The following GLI3 variants were observed in gnomAD, a reference collection of about 807,000 sequenced individuals.
GLI3 encodes transcription activator GLI3.
GLI3 carries 20 observed loss-of-function variants against 100.8 expected under a neutral mutation model. That is an observed-to-expected ratio of 0.20 (90% CI 0.14 to 0.29). The LOEUF is 0.29. Among genes scored for constraint, GLI3 ranks in the 10% least tolerant of loss-of-function variants. The pLI, the probability that GLI3 is intolerant of heterozygous loss-of-function variation, is 1.00. For synonymous variants in GLI3, 938 were observed against 860.5 expected (o/e 1.09, Z -1.58); for missense variants, 2,040 against 2,128.5 (o/e 0.96, Z 0.82).
In GLI3 at chr7:42,113,864, T is replaced by C. The variant is rs553380871; in HGVS notation, c.367+34362A>G. Among the ~76,000 whole-genome samples the C allele has an allele frequency of 1.3e-3, 197 of 152,336 alleles. 1 individual carries two copies. The highest frequency in any genetic ancestry group is 2.2e-3 in the Non-Finnish European group (149 of 68,022). On this transcript the variant is annotated intron_variant, in intron 3 of 14. Transcript: ENST00000395925. The stretch of plus-strand genomic sequence containing the variant: ...TCCCTTCTAGTTCTGAGAGACTTCC[T>C]CTTGGCTCCCAGGAGGAGGGGGGAC...
At chr7:42,242,075 T>C (rs1788930992), upstream of GLI3, among the ~76,000 whole-genome samples, 1 of 152,230 alleles carries the variant, frequency 6.6e-6, no homozygotes, top group African/African-American at 2.4e-5. Flanking sequence ...TGGTTTCACC[T>C]GTCTCTTCTA....
At chr7:42,160,843 T>A (rs530820510) in intron 2 of GLI3, among the ~76,000 whole-genome samples, 11 of 152,128 alleles carry the variant, frequency 7.2e-5, no homozygotes, top group Non-Finnish European at 1.6e-4. Context: ...GATAGACAGC[T>A]TAGGAGGGAA....
chr7:42,256,100 A>G (rs1789082071), intron 1 of GLI3, among the ~76,000 whole-genome samples: 1 of 152,108 alleles, frequency 6.6e-6, no homozygotes, highest in African/African-American at 2.4e-5. Context: ...CCATTTTCAT[A>G]TCTTCTTAGT....
chr7:42,034,679 T>C (rs1448660401), intron 7 of GLI3, among the ~76,000 whole-genome samples: 3 of 152,122 alleles, frequency 2.0e-5, no homozygotes, highest in African/African-American at 7.2e-5. Flanking sequence ...CAGGGTATCT[T>C]GTCATCATCC....
chr7:41,983,426 A>C (rs1271137835), intron 10 of GLI3, among the ~76,000 whole-genome samples: 1 of 152,216 alleles, frequency 6.6e-6, no homozygotes, highest in Non-Finnish European at 1.5e-5. Context: ...AATCCAAGGT[A>C]GATAAGAAAA....
intron 2 of GLI3, among the ~76,000 whole-genome samples, chr7:42,185,517 T>G (rs993209137): frequency 6.6e-6 from 1 of 152,234 alleles, no homozygotes; most frequent in African/African-American, 2.4e-5. Flanking sequence ...GAGCCATTTC[T>G]TGGGCAATTC....
At chr7:42,145,244 A>G (rs535840911) in intron 3 of GLI3, 1 of 230,732 alleles carries the variant, frequency 4.3e-6, no homozygotes, top group African/African-American at 2.2e-5. Context: ...GAAAAAGTAA[A>G]GTCATATCCC....
intron 12 of GLI3, among the ~76,000 whole-genome samples, chr7:41,974,045 T>C (rs1787436391): frequency 6.6e-6 from 1 of 152,168 alleles, no homozygotes. Context: ...AGCATTCCTG[T>C]GACAGGTTGT....
chr7:42,139,801 GCACGCTGTCAAATTGA>G (rs1355372631), intron 3 of GLI3, among the ~76,000 whole-genome samples: 1 of 152,194 alleles, frequency 6.6e-6, no homozygotes, highest in Non-Finnish European at 1.5e-5. Context: ...CGATGGAGTC[GCACGCTGTCAAATTGA>G]AAGCAGGGGT....
intron 1 of GLI3, among the ~76,000 whole-genome samples, chr7:42,236,022 C>T (rs567177290): frequency 1.3e-4 from 19 of 151,126 alleles, no homozygotes; most frequent in Admixed American, 2.6e-4. Context: ...GGCAGGGAAG[C>T]CTGGGGTGCA....
chr7:42,219,487 T>C (rs928161681), intron 2 of GLI3, among the ~76,000 whole-genome samples: 1 of 152,182 alleles, frequency 6.6e-6, no homozygotes, highest in African/African-American at 2.4e-5. Flanking sequence ...TAAATTTCAG[T>C]GTTAAGTGGC....
At chr7:42,183,711 G>A (rs1484700133) in intron 2 of GLI3, among the ~76,000 whole-genome samples, 5 of 152,164 alleles carry the variant, frequency 3.3e-5, no homozygotes, top group Admixed American at 6.5e-5. Flanking sequence ...ATTTGCTCAA[G>A]TCAAAAAACG....
intron 3 of GLI3, among the ~76,000 whole-genome samples, chr7:42,119,690 G>A (rs73092600): frequency 0.016 from 2,435 of 152,242 alleles, 33 homozygotes; most frequent in Non-Finnish European, 0.021. Context: ...CAAGGGTGAC[G>A]GTTTGGCAGG....
chr7:41,965,201 C>T lies in GLI3; in HGVS notation c.3872G>A (p.Gly1291Asp), dbSNP rs768388156. 1.7e-5 allele frequency: 27 copies of T among 1,613,678 alleles called. No individual in the cohort carries two copies. Among genetic ancestry groups the T allele is most frequent in the African/African-American group, 6.7e-5 (5 of 74,944 alleles). ...TACCGGCAGGCCGAAATTCAGCTGG[C>T]CCCCGCTCCCTTGCATGGGGGTGCT... ...LKSTPMQGSG[G>D]QLNFGLPVAP... Residue 1291 changes from glycine (G) to aspartate (D), a missense_variant, in exon 15 of 15, where the codon GGC becomes GAC. Physicochemically the swap from Gly to Asp is moderately conservative, Grantham distance 94. Coordinates refer to ENST00000395925, the MANE Select transcript of GLI3 (RefSeq NM_000168.6).
chr7:42,102,648 C>T (rs1785490303), intron 3 of GLI3, among the ~76,000 whole-genome samples: 2 of 152,184 alleles, frequency 1.3e-5, no homozygotes, highest in African/African-American at 2.4e-5. Flanking sequence ...GCAAGTTACA[C>T]CAAATCTCTT....
intron 2 of GLI3, among the ~76,000 whole-genome samples, chr7:42,167,433 A>G (rs3801212): frequency 0.14 from 20,653 of 152,154 alleles, 3,448 homozygotes; most frequent in African/African-American, 0.39. Context: ...TAGTTTACAG[A>G]GATACCCATA....
intron 2 of GLI3, among the ~76,000 whole-genome samples, chr7:42,215,074 A>T (rs897699334): frequency 6.6e-6 from 1 of 152,148 alleles, no homozygotes; most frequent in African/African-American, 2.4e-5. Flanking sequence ...ACACAGCATC[A>T]AGCAGCTACT....
At chr7:42,070,586 C>CCAG (rs1203999994) in intron 4 of GLI3, among the ~76,000 whole-genome samples, 5 of 152,126 alleles carry the variant, frequency 3.3e-5, no homozygotes, top group Non-Finnish European at 5.9e-5. Flanking sequence ...ACTAATAACT[C>CCAG]CAGCATAGAG....
intron 4 of GLI3, among the ~76,000 whole-genome samples, chr7:42,061,369 T>C (rs1784566360): frequency 6.6e-6 from 1 of 152,182 alleles, no homozygotes. Context: ...ATAATTATTA[T>C]TACTGTTAAC....
Sources: allele counts gnomAD v4.1 joint callset (sites outside exome capture counted in the v4.1 genomes callset), GRCh38; gene constraint gnomAD v4.1.1; transcripts MANE v1.5; gene names NCBI Gene and HGNC (gene_info 2026-07-23, HGNC 2026-07-21).